The following ATP8B4 variants were observed in gnomAD, a reference collection of about 807,000 sequenced individuals.
ATP8B4 encodes ATPase phospholipid transporting 8B4 (putative).
ATP8B4 carries 133 observed loss-of-function variants against 145.6 expected under a neutral mutation model. The ratio of observed to expected loss-of-function variants is 0.91; its 90% CI spans 0.79 to 1.05. The LOEUF (loss-of-function observed/expected upper bound fraction) is 1.05, where lower values mean the gene tolerates loss of function less well. Among genes scored for constraint, ATP8B4 ranks in the 50% least tolerant of loss-of-function variants. The pLI is 0.00. For missense variants in ATP8B4, 1,458 were observed against 1,425.2 expected (o/e 1.02, Z -0.37); for synonymous variants, 507 against 492.9 (o/e 1.03, Z -0.38).
intron 1 of ATP8B4, among the ~76,000 whole-genome samples, chr15:50,170,538 T>C (rs1163475254): frequency 8.6e-6 from 1 of 116,882 alleles, no homozygotes; most frequent in Non-Finnish European, 1.7e-5. Context: ...GAGCCCTAAA[T>C]CTTGAAACAA....
intron 3 of ATP8B4, among the ~76,000 whole-genome samples, chr15:50,058,581 A>G (rs2052772086): frequency 6.6e-6 from 1 of 152,210 alleles, no homozygotes. Flanking sequence ...TCTACTTCTT[A>G]TACTAGAGTT....
chr15:50,085,995 T>TC (rs2054984482), intron 2 of ATP8B4, among the ~76,000 whole-genome samples: 1 of 91,186 alleles, frequency 1.1e-5, no homozygotes, highest in Non-Finnish European at 1.9e-5. Flanking sequence ...ATCATATATA[T>TC]TTATTATATA....
intron 3 of ATP8B4, among the ~76,000 whole-genome samples, chr15:50,060,209 G>A (rs2052913029): frequency 6.6e-6 from 1 of 152,100 alleles, no homozygotes; most frequent in Non-Finnish European, 1.5e-5. Flanking sequence ...CGTACTGAAG[G>A]GAACTACTTA....
intron 14 of ATP8B4, among the ~76,000 whole-genome samples, chr15:49,944,355 C>G (rs531734498): frequency 3.3e-4 from 50 of 152,122 alleles, no homozygotes; most frequent in Admixed American, 7.2e-4. Context: ...CACACATAGT[C>G]TAAAAGTGAA....
intron 16 of ATP8B4, among the ~76,000 whole-genome samples, chr15:49,927,822 A>G (rs1482170034): frequency 6.6e-6 from 1 of 152,112 alleles, no homozygotes; most frequent in Non-Finnish European, 1.5e-5. Context: ...CTAGAACGGC[A>G]TGTGTGCTCA....
intron 23 of ATP8B4, among the ~76,000 whole-genome samples, chr15:49,894,330 C>T (rs1420752051): frequency 6.6e-6 from 1 of 152,108 alleles, no homozygotes; most frequent in Non-Finnish European, 1.5e-5. Context: ...GTACCCTTTC[C>T]AGTATAAGCT....
intron 7 of ATP8B4, 134 bp downstream of exon 7, chr15:50,010,711 G>T (rs1249196026): frequency 9.7e-6 from 5 of 514,832 alleles, no homozygotes; most frequent in South Asian, 4.8e-5. Flanking sequence ...TTATAATTGA[G>T]ACTTTTTACT....
chr15:50,135,839 T>G (rs569925717), intron 1 of ATP8B4, among the ~76,000 whole-genome samples: 1 of 152,298 alleles, frequency 6.6e-6, no homozygotes, highest in South Asian at 2.1e-4. Flanking sequence ...GGAACACACA[T>G]GTAGCTTCAA....
intron 7 of ATP8B4, among the ~76,000 whole-genome samples, chr15:50,002,496 T>C (rs546092397): frequency 6.6e-6 from 1 of 152,256 alleles, no homozygotes; most frequent in Admixed American, 6.5e-5. Flanking sequence ...CTTTTTTTAA[T>C]GAAACATATA....
intron 2 of ATP8B4, among the ~76,000 whole-genome samples, chr15:50,097,906 G>A (rs941438123): frequency 4.6e-5 from 7 of 151,978 alleles, no homozygotes; most frequent in East Asian, 1.9e-4. Flanking sequence ...TTCATTTTAC[G>A]TTCATGCTCA....
chr15:49,902,785 A>G (rs1480444023), intron 20 of ATP8B4, among the ~76,000 whole-genome samples: 1 of 152,210 alleles, frequency 6.6e-6, no homozygotes, highest in Non-Finnish European at 1.5e-5. Context: ...CAAGGGAGAC[A>G]AGTTCCTTGG....
chr15:49,859,053 C>T lies in ATP8B4; in HGVS notation c.*1141G>A, dbSNP rs879376797. Reference sequence around the variant, plus strand: ...AGAAGTGACAGAACTGAGGTTTTCACACAAATATGCCCGAATCACTTTATG... The same window carrying T: ...AGAAGTGACAGAACTGAGGTTTTCATACAAATATGCCCGAATCACTTTATG... On this transcript the variant is annotated 3_prime_UTR_variant, in exon 28 of 28. Coordinates refer to ENST00000284509, the MANE Select transcript of ATP8B4 (RefSeq NM_024837.4). 6.6e-6 allele frequency: 1 copy of T among 152,164 alleles called. No homozygotes were observed. Among genetic ancestry groups the T allele is most frequent in the Non-Finnish European group, 1.5e-5 (1 of 68,020 alleles). 9.4% of individuals were successfully genotyped at this position (152,164 alleles called of 1,614,324 possible).
chr15:49,960,831 TA>T (rs1052898201), intron 14 of ATP8B4, among the ~76,000 whole-genome samples: 2 of 151,956 alleles, frequency 1.3e-5, no homozygotes, highest in Non-Finnish European at 2.9e-5. Flanking sequence ...AGAAAATGGG[TA>T]AAAAAATTAT....
chr15:49,919,235 A>G (rs918602488), intron 18 of ATP8B4, among the ~76,000 whole-genome samples: 4 of 152,180 alleles, frequency 2.6e-5, no homozygotes, highest in Non-Finnish European at 5.9e-5. Flanking sequence ...GTAGGAAGCC[A>G]TTTGGACTTA....
At chr15:50,162,620 C>T (rs1595661188) in intron 1 of ATP8B4, among the ~76,000 whole-genome samples, 1 of 152,278 alleles carries the variant, frequency 6.6e-6, no homozygotes, top group East Asian at 1.9e-4. Context: ...CATTCTCCTG[C>T]CTCAGCCTCC....
intron 4 of ATP8B4, 38 bp from the exon 5 acceptor site, chr15:50,044,730 G>T: frequency 2.1e-6 from 3 of 1,444,418 alleles, no homozygotes; most frequent in South Asian, 1.2e-5. Flanking sequence ...GGCTTTTAAA[G>T]TTAGAAAATA....
chr15:49,901,846 TA>T, intron 20 of ATP8B4: 2 of 419,016 alleles, frequency 4.8e-6, no homozygotes, highest in Admixed American at 3.0e-5. Context: ...GTATTCAGCT[TA>T]AAAAATAGAA....
intron 9 of ATP8B4, among the ~76,000 whole-genome samples, chr15:49,988,081 C>T (rs546841925): frequency 3.0e-4 from 45 of 152,266 alleles, no homozygotes; most frequent in African/African-American, 9.4e-4. Context: ...TCTGAGAATG[C>T]GTGTGATTCC....
Position 49,989,299 on chromosome 15 carries a change from T to C in ATP8B4, c.590-1750A>G, listed in dbSNP as rs767687616. Among the ~76,000 whole-genome samples, 59 of 152,280 alleles carry C rather than the reference T, an allele frequency of 3.9e-4. 1 individual carries two copies. The Middle Eastern group carries it at 0.01, about 26-fold the overall frequency. ...GACCAATAATTTTCATTCTGAATTG[T>C]AAAATCTTGAATTGGCTATCACCAG... On this transcript the variant is annotated intron_variant, in intron 9 of 27. Coordinates refer to ENST00000284509, the MANE Select transcript of ATP8B4 (RefSeq NM_024837.4).
Sources: gnomAD v4.1 joint callset for allele counts (sites outside exome capture counted in the v4.1 genomes callset) on GRCh38, gnomAD v4.1.1 for gene constraint, MANE v1.5 for transcripts, NCBI Gene and HGNC (gene_info 2026-07-23, HGNC 2026-07-21) for gene names.